Variants in MECOM observed in about 807,000 individuals in gnomAD.
MECOM encodes histone-lysine N-methyltransferase MECOM.
MECOM carries 13 observed loss-of-function variants against 116.3 expected under a neutral mutation model. The observed-to-expected ratio is 0.11, with a 90% CI of 0.07 to 0.18. The LOEUF (loss-of-function observed/expected upper bound fraction) is 0.18. Ranked by LOEUF, MECOM falls within the 10% of genes least tolerant of loss-of-function variation. The probability of loss-of-function intolerance (pLI) is 1.00; values close to 1 mark genes in which losing one functional copy is unlikely to be tolerated. For missense variants in MECOM, 1,299 were observed against 1,509.0 expected (o/e 0.86, Z 2.31); for synonymous variants, 528 against 535.2 (o/e 0.99, Z 0.19).
intron 2 of MECOM, among the ~76,000 whole-genome samples, chr3:169,279,605 C>T (rs910131066): frequency 4.6e-5 from 7 of 152,130 alleles, no homozygotes; most frequent in African/African-American, 1.4e-4. Context: ...ATATTTTACA[C>T]GTTTGTGCAT....
chr3:169,125,799 T>C (rs1330464199), intron 5 of MECOM, among the ~76,000 whole-genome samples: 1 of 152,160 alleles, frequency 6.6e-6, no homozygotes, highest in East Asian at 1.9e-4. Flanking sequence ...TTTCACCTTT[T>C]GCACATTGAC....
At chr3:169,419,110 C>G (rs761490060) in intron 1 of MECOM, among the ~76,000 whole-genome samples, 97 of 152,086 alleles carry the variant, frequency 6.4e-4, no homozygotes, top group Non-Finnish European at 6.8e-4. Flanking sequence ...AATAGACAAA[C>G]AGAGAGCCAA....
At chr3:169,122,911 C>G (rs1731523483) in intron 5 of MECOM, among the ~76,000 whole-genome samples, 184 bp from the exon 6 acceptor site, 1 of 152,040 alleles carries the variant, frequency 6.6e-6, no homozygotes, top group African/African-American at 2.4e-5. Flanking sequence ...TGGACTGTGT[C>G]TCCTGGACTG....
At chr3:169,191,764 A>AAGAAAG (rs1559973873) in intron 2 of MECOM, among the ~76,000 whole-genome samples, 6 of 126,698 alleles carry the variant, frequency 4.7e-5, no homozygotes, top group Non-Finnish European at 8.2e-5. Context: ...GAAAGAAAGA[A>AAGAAAG]AGAAAGAAAG....
chr3:169,362,273 T>C (rs1305228540), intron 2 of MECOM, among the ~76,000 whole-genome samples: 3 of 151,838 alleles, frequency 2.0e-5, no homozygotes, highest in Admixed American at 6.6e-5. Context: ...ATATAGAACA[T>C]GTCCATAAAG....
At chr3:169,169,416 G>A (rs73170015) in intron 2 of MECOM, among the ~76,000 whole-genome samples, 10,686 of 152,110 alleles carry the variant, frequency 0.07, 470 homozygotes, top group South Asian at 0.19. Flanking sequence ...AATTATTTAT[G>A]AATGTAAATG....
chr3:169,183,096 A>G (rs541005278), intron 2 of MECOM, among the ~76,000 whole-genome samples: 1 of 152,288 alleles, frequency 6.6e-6, no homozygotes, highest in Non-Finnish European at 1.5e-5. Context: ...TGCTAATCTC[A>G]TTATCTCTCA....
At chr3:169,507,649 G>GTTTTTTTTTTTTTT (rs1491033517) in intron 1 of MECOM, among the ~76,000 whole-genome samples, 3 of 65,092 alleles carry the variant, frequency 4.6e-5, no homozygotes, top group African/African-American at 7.0e-5. Flanking sequence ...ATCCCCACTT[G>GTTTTTTTTTTTTTT]CTTTTTTTTT....
intron 2 of MECOM, among the ~76,000 whole-genome samples, chr3:169,170,403 C>CAAAAAAAAAAAAAAAAAAAAAAA (rs71634426): frequency 1.3e-5 from 1 of 74,366 alleles, no homozygotes; most frequent in Non-Finnish European, 2.7e-5. Flanking sequence ...AAGACTCTGT[C>CAAAAAAAAAAAAAAAAAAAAAAA]AAAAAAAAAA....
intron 5 of MECOM, among the ~76,000 whole-genome samples, chr3:169,123,293 A>G (rs949520756): frequency 7.0e-6 from 1 of 142,580 alleles, no homozygotes; most frequent in Non-Finnish European, 1.6e-5. Context: ...ATGCATGGAT[A>G]TATGCATGGA....
chr3:169,565,156 C>T (rs567940809), intron 1 of MECOM, among the ~76,000 whole-genome samples: 1 of 152,092 alleles, frequency 6.6e-6, no homozygotes, highest in East Asian at 1.9e-4. Context: ...GGAGGGGTGT[C>T]CAGGGTCTGA....
intron 2 of MECOM, among the ~76,000 whole-genome samples, chr3:169,378,445 GAAAGAAGGAAAGCAAGCA>G (rs1731540494): frequency 1.1e-4 from 9 of 79,556 alleles, no homozygotes; most frequent in African/African-American, 7.2e-4. Flanking sequence ...AAGAAAGAAA[GAAAGAAGGAAAGCAAGCA>G]AGCAAGCAAG....
intron 1 of MECOM, among the ~76,000 whole-genome samples, chr3:169,523,959 T>C (rs1560390305): frequency 1.3e-5 from 2 of 148,154 alleles, no homozygotes; most frequent in East Asian, 3.9e-4. Context: ...TGTGTATATA[T>C]ACACACATAT....
At chr3:169,647,142 G>A (rs1178914798) in intron 1 of MECOM, among the ~76,000 whole-genome samples, 1 of 152,168 alleles carries the variant, frequency 6.6e-6, no homozygotes, top group Non-Finnish European at 1.5e-5. Flanking sequence ...AAAAAAATAA[G>A]GCAGTGGAGC....
intron 2 of MECOM, among the ~76,000 whole-genome samples, chr3:169,379,747 T>G (rs1475273093): frequency 6.6e-6 from 1 of 152,140 alleles, no homozygotes; most frequent in East Asian, 1.9e-4. Flanking sequence ...ACTGTGGAGA[T>G]TTTGTAATAA....
chr3:169,441,774 A>G lies in MECOM; in HGVS notation c.38-60250T>C, dbSNP rs533152015. On this transcript the variant is annotated intron_variant, in intron 1 of 16. Coordinates refer to ENST00000651503, the MANE Select transcript of MECOM (RefSeq NM_004991.4). Reference sequence around the variant, plus strand: ...AAGGGGGGGTCTTGCTCTGTCACCCAGGCTGGAGTGCAGTGGTGCAATCTC... The same window carrying G: ...AAGGGGGGGTCTTGCTCTGTCACCCGGGCTGGAGTGCAGTGGTGCAATCTC... Among the ~76,000 whole-genome samples, 28 of 133,340 alleles carry G rather than the reference A, an allele frequency of 2.1e-4. 2 individuals carry two copies. In the South Asian group the frequency reaches 6.0e-3, roughly 29 times the overall value. The allele number at this position is 133,340 out of a possible 152,430, so 87.5% of individuals were successfully genotyped here.
intron 2 of MECOM, among the ~76,000 whole-genome samples, chr3:169,165,280 C>G (rs186956777): frequency 2.0e-5 from 3 of 152,080 alleles, no homozygotes; most frequent in African/African-American, 7.2e-5. Context: ...TGAAAATTAA[C>G]ATGAAAATGC....
intron 1 of MECOM, among the ~76,000 whole-genome samples, chr3:169,507,006 G>A (rs1325587715): frequency 6.6e-6 from 1 of 152,158 alleles, no homozygotes; most frequent in African/African-American, 2.4e-5. Flanking sequence ...TCATCAAGGA[G>A]GAAACTTCTT....
chr3:169,286,579 A>G (rs16853415), intron 2 of MECOM, among the ~76,000 whole-genome samples: 3,498 of 152,286 alleles, frequency 0.023, 153 homozygotes, highest in African/African-American at 0.08. Context: ...ACTGCCAACC[A>G]CCATAGTGCA....
Sources: allele counts gnomAD v4.1 joint callset (sites outside exome capture counted in the v4.1 genomes callset), GRCh38; gene constraint gnomAD v4.1.1; transcripts MANE v1.5; gene names NCBI Gene and HGNC (gene_info 2026-07-23, HGNC 2026-07-21).